The following GPC5 variants were observed in gnomAD, a reference collection of about 807,000 sequenced individuals.
GPC5 encodes the protein glypican-5.
Under a neutral mutation model 53.9 loss-of-function variants are expected in GPC5, and 47 were observed. The observed-to-expected ratio is 0.87, with a 90% CI of 0.69 to 1.11. The LOEUF (loss-of-function observed/expected upper bound fraction) is 1.11, where lower values mean the gene tolerates loss of function less well. Among genes scored for constraint, GPC5 ranks in the 50% most tolerant of loss-of-function variants. The pLI is 0.00. For synonymous variants in GPC5, 286 were observed against 263.3 expected, an observed-to-expected ratio of 1.09 and a Z score of -0.84; for missense variants, 748 against 713.1, an observed-to-expected ratio of 1.05 and a Z score of -0.56.
At chr13:92,780,822 T>C (rs1875997574) in intron 7 of GPC5, among the ~76,000 whole-genome samples, 1 of 152,094 alleles carries the variant, frequency 6.6e-6, no homozygotes, top group Non-Finnish European at 1.5e-5. Context: ...AATGAAGTCA[T>C]TTTATCTATA....
chr13:92,085,822 A>G (rs569917842), intron 6 of GPC5, among the ~76,000 whole-genome samples: 1 of 152,238 alleles, frequency 6.6e-6, no homozygotes, highest in South Asian at 2.1e-4. Flanking sequence ...TCCTATGAGA[A>G]TCTGATGCTG....
intron 7 of GPC5, among the ~76,000 whole-genome samples, chr13:92,388,443 A>G (rs1874844578): frequency 1.3e-5 from 2 of 152,108 alleles, no homozygotes; most frequent in African/African-American, 4.8e-5. Context: ...CTAAGACAGC[A>G]TGGATATTAA....
chr13:92,578,143 C>T (rs532913585), intron 7 of GPC5, among the ~76,000 whole-genome samples: 1 of 152,130 alleles, frequency 6.6e-6, no homozygotes, highest in Non-Finnish European at 1.5e-5. Context: ...GACAAGCATT[C>T]TTATTTTCTG....
At chr13:91,790,737 G>A (rs1180927993) in intron 5 of GPC5, among the ~76,000 whole-genome samples, 1 of 152,236 alleles carries the variant, frequency 6.6e-6, no homozygotes, top group Non-Finnish European at 1.5e-5. Flanking sequence ...TATTGTAAAT[G>A]TAGTAGAATA....
chr13:91,878,983 T>C (rs2039235002), intron 5 of GPC5, among the ~76,000 whole-genome samples: 1 of 152,144 alleles, frequency 6.6e-6, no homozygotes, highest in African/African-American at 2.4e-5. Flanking sequence ...AATCATATTG[T>C]CTCCTACAGA....
intron 6 of GPC5, among the ~76,000 whole-genome samples, chr13:92,075,722 G>T (rs2041246747): frequency 6.6e-6 from 1 of 151,992 alleles, no homozygotes; most frequent in Non-Finnish European, 1.5e-5. Flanking sequence ...ATTTCTGGTT[G>T]GTGAGTTTAA....
intron 7 of GPC5, among the ~76,000 whole-genome samples, chr13:92,227,571 G>C (rs945921955): frequency 6.6e-6 from 1 of 152,076 alleles, no homozygotes; most frequent in Non-Finnish European, 1.5e-5. Flanking sequence ...TCATGTGAAA[G>C]ACAGTTATCA....
chr13:91,956,683 C>A lies in GPC5; in HGVS notation c.1401+48626C>A, dbSNP rs147643949. The stretch of plus-strand genomic sequence containing the variant: ...AGCTTCCTCTAATGACTGCAAGGCA[C>A]TAAGGAAATCAGAGACAATACTACC... On this transcript the variant is annotated intron_variant, in intron 6 of 7. Coordinates refer to ENST00000377067, the MANE Select transcript of GPC5 (RefSeq NM_004466.6). Among the ~76,000 whole-genome samples the A allele has an allele frequency of 2.4e-3, 372 of 152,274 alleles. 3 individuals carry two copies. The highest frequency in any genetic ancestry group is 8.4e-3 in the African/African-American group (347 of 41,540).
intron 7 of GPC5, among the ~76,000 whole-genome samples, chr13:92,696,833 C>G (rs1887571394): frequency 2.0e-5 from 3 of 152,044 alleles, no homozygotes; most frequent in Admixed American, 6.6e-5. Flanking sequence ...GGTTTTAGGT[C>G]TTATGTTTAA....
chr13:92,637,324 A>G (rs990496113), intron 7 of GPC5, among the ~76,000 whole-genome samples: 7 of 152,202 alleles, frequency 4.6e-5, no homozygotes, highest in Non-Finnish European at 8.8e-5. Context: ...ATCCACAGAG[A>G]GAGCTTCAGA....
chr13:92,775,019 C>T (rs1230028887), intron 7 of GPC5, among the ~76,000 whole-genome samples: 1 of 152,176 alleles, frequency 6.6e-6, no homozygotes, highest in Non-Finnish European at 1.5e-5. Context: ...TTCTCTGTGT[C>T]CTCCATTTCT....
At chr13:91,664,882 C>T (rs2035071189) in intron 2 of GPC5, among the ~76,000 whole-genome samples, 1 of 152,206 alleles carries the variant, frequency 6.6e-6, no homozygotes, top group African/African-American at 2.4e-5. Flanking sequence ...CACATGCTTG[C>T]TATGATGGAT....
chr13:92,350,506 A>C (rs1387671566), intron 7 of GPC5, among the ~76,000 whole-genome samples: 1 of 152,220 alleles, frequency 6.6e-6, no homozygotes. Flanking sequence ...AGAAGCAGAG[A>C]GCACAAAGAT....
chr13:91,858,522 G>T (rs964681665), intron 5 of GPC5, among the ~76,000 whole-genome samples: 16 of 152,032 alleles, frequency 1.1e-4, no homozygotes, highest in African/African-American at 3.9e-4. Context: ...ATCCCACTTG[G>T]TCATGATGAA....
chr13:92,729,216 C>G (rs1363235067), intron 7 of GPC5, among the ~76,000 whole-genome samples: 1 of 151,260 alleles, frequency 6.6e-6, no homozygotes, highest in Non-Finnish European at 1.5e-5. Context: ...TCTGAATTCC[C>G]TAAGATGATG....
rs558289458 is a variant in GPC5 at position 92,594,778 on chromosome 13, A to G, written c.1562-271504A>G. ...AAATGAAACGTCCCCATTCCTATCT[A>G]CTTCCAACCTGAAATTGAATATTAT... On this transcript the variant is annotated intron_variant, in intron 7 of 7. Transcript: ENST00000377067. 2.6e-5 allele frequency among the ~76,000 whole-genome samples: 4 copies of G among 152,298 alleles called. No individual in the cohort carries two copies. In the East Asian group the frequency reaches 7.7e-4, roughly 29 times the overall value.
intron 6 of GPC5, among the ~76,000 whole-genome samples, chr13:91,979,230 T>A (rs1029760416): frequency 3.0e-4 from 46 of 152,240 alleles, no homozygotes; most frequent in African/African-American, 1.1e-3. Flanking sequence ...GATTTTTTTT[T>A]TAAATCTGTG....
rs1055585786 is a variant in GPC5, at chr13:92,363,271, C to T, written c.1561+218282C>T. ...ATCTTGTAATACATGTGTTACTGGGCTACTGGATAGAATTGTCAGAAGGTT... is the reference window on the plus strand; with the variant it reads ...ATCTTGTAATACATGTGTTACTGGGTTACTGGATAGAATTGTCAGAAGGTT... On this transcript the variant is annotated intron_variant, in intron 7 of 7. Coordinates refer to ENST00000377067, the MANE Select transcript of GPC5 (RefSeq NM_004466.6). Among the ~76,000 whole-genome samples the T allele has an allele frequency of 3.2e-4, 48 of 151,660 alleles. 1 individual carries two copies. The highest frequency in any genetic ancestry group is 3.4e-3 in the Middle Eastern group (1 of 294).
At chr13:92,834,235 C>T (rs1220910613) in intron 7 of GPC5, among the ~76,000 whole-genome samples, 1 of 152,122 alleles carries the variant, frequency 6.6e-6, no homozygotes, top group African/African-American at 2.4e-5. Context: ...AAAGCCTTGT[C>T]ATTTATTCAC....
Sources: allele counts gnomAD v4.1 joint callset (sites outside exome capture counted in the v4.1 genomes callset), GRCh38; gene constraint gnomAD v4.1.1; transcripts MANE v1.5; gene names NCBI Gene and HGNC (gene_info 2026-07-23, HGNC 2026-07-21).